Variants in FAM185A observed in about 807,000 individuals in gnomAD.
FAM185A encodes the protein family with sequence similarity 185 member A, also known as protein FAM185A.
FAM185A carries 21 observed loss-of-function variants against 45.7 expected under a neutral mutation model. That is an observed-to-expected ratio of 0.46 (90% confidence interval 0.33 to 0.66). The LOEUF (loss-of-function observed/expected upper bound fraction) is 0.66. Among genes scored for constraint, FAM185A ranks in the 30% least tolerant of loss-of-function variants. The pLI, the probability that FAM185A is intolerant of heterozygous loss-of-function variation, is 0.03. For synonymous variants in FAM185A, 117 were observed against 194.0 expected (o/e 0.60, Z 3.30); for missense variants, 305 against 485.4 (o/e 0.63, Z 3.49).
chr7:102,829,277 T>C, the FAM185A span, among the ~76,000 whole-genome samples: 3 of 152,230 alleles, frequency 2.0e-5, no homozygotes, highest in Admixed American at 6.5e-5. Flanking sequence ...GTAATCTGCT[T>C]CATGAAGCTT....
chr7:102,809,492 G>A (rs377205364), downstream of FAM185A, among the ~76,000 whole-genome samples: 22 of 152,104 alleles, frequency 1.4e-4, no homozygotes, highest in East Asian at 1.4e-3. Flanking sequence ...TCAGGAGTTT[G>A]AGACCAGCCT....
chr7:102,849,173 G>T, the FAM185A span, among the ~76,000 whole-genome samples: 4 of 152,134 alleles, frequency 2.6e-5, no homozygotes, highest in African/African-American at 9.7e-5. Context: ...TCAAGAAAAC[G>T]ATTTCTTAAG....
chr7:102,750,553 T>C (rs1793302376), intron 1 of FAM185A, among the ~76,000 whole-genome samples: 1 of 152,192 alleles, frequency 6.6e-6, no homozygotes, highest in Non-Finnish European at 1.5e-5. Context: ...CAGTATATTG[T>C]TATAATTGCT....
chr7:102,805,346 G>A (rs1227733813), intron 7 of FAM185A, among the ~76,000 whole-genome samples: 6 of 152,072 alleles, frequency 3.9e-5, no homozygotes, highest in East Asian at 1.9e-4. Context: ...AATACTGCTC[G>A]GCCATAAAAA....
intron 7 of FAM185A, among the ~76,000 whole-genome samples, chr7:102,807,196 G>A (rs1379530754): frequency 6.6e-6 from 1 of 152,026 alleles, no homozygotes; most frequent in East Asian, 1.9e-4. Flanking sequence ...GGGGGTCGGA[G>A]GGTGACAGGA....
At chr7:102,785,034 C>T (rs975272127) in intron 6 of FAM185A, among the ~76,000 whole-genome samples, 15 of 147,104 alleles carry the variant, frequency 1.0e-4, no homozygotes, top group South Asian at 6.4e-4. Flanking sequence ...TCTTATATAC[C>T]GATAACAGAC....
Position 102,808,295 on chromosome 7 carries a change from A to G in FAM185A, c.1072A>G (p.Met358Val). 1.3e-6 allele frequency: 2 copies of G among 1,550,946 alleles called. No individual in the cohort carries two copies. Among genetic ancestry groups the G allele is most frequent in the Non-Finnish European group, 1.7e-6 (2 of 1,146,170 alleles). ...KDDVVTVTGL[M>V]NQASKREKWI... Reference sequence around the variant, plus strand: ...TATGCAATTTTGTGTTTTAGGACTCATGAATCAAGCAAGCAAACGTGAAAA... The same window carrying G: ...TATGCAATTTTGTGTTTTAGGACTCGTGAATCAAGCAAGCAAACGTGAAAA... The change falls in exon 8 of 8, where the codon ATG (methionine) becomes GTG (valine). Residue 358 changes from methionine to valine, a missense_variant. Physicochemically the swap from Met to Val is conservative, Grantham distance 21. Around this residue, in one of 5 missense-constraint regions of FAM185A, gnomAD observed 66 missense variants for 74.6 expected, o/e 0.89. Coordinates refer to ENST00000413034, the MANE Select transcript of FAM185A (RefSeq NM_001145268.2).
At position 102,787,800 on chromosome 7, in the gene FAM185A, C is replaced by T. The variant is rs1277126096; in HGVS notation, c.1066+331C>T. Among the ~76,000 whole-genome samples the T allele has an allele frequency of 5.3e-5, 8 of 152,282 alleles. No homozygotes were observed. In the South Asian group the frequency reaches 8.3e-4, roughly 16 times the overall value. ...ATAATGCAAAATTTAAAACTAACTTCGTGTGACTGGAGTAAATCGGAATTT... is the reference window on the plus strand; with the variant it reads ...ATAATGCAAAATTTAAAACTAACTTTGTGTGACTGGAGTAAATCGGAATTT... On this transcript the variant is annotated intron_variant, in intron 7 of 7. Transcript: ENST00000413034.
intron 5 of FAM185A, among the ~76,000 whole-genome samples, chr7:102,775,034 C>A (rs1207433585): frequency 2.0e-5 from 3 of 150,646 alleles, no homozygotes; most frequent in Non-Finnish European, 4.4e-5. Flanking sequence ...CTTTTGCTGA[C>A]TTTATTGAGA....
intron 7 of FAM185A, among the ~76,000 whole-genome samples, chr7:102,795,283 G>A (rs1287833357): frequency 4.6e-5 from 7 of 151,984 alleles, no homozygotes; most frequent in Non-Finnish European, 1.0e-4. Context: ...CTGAGTGATG[G>A]GTATACAGAA....
intron 6 of FAM185A, among the ~76,000 whole-genome samples, chr7:102,785,588 C>T (rs1795737764): frequency 6.6e-6 from 1 of 151,234 alleles, no homozygotes; most frequent in African/African-American, 2.4e-5. Flanking sequence ...GAAAGGATTC[C>T]CTATTTAATA....
chr7:102,787,024 A>G (rs1795848076), intron 6 of FAM185A, among the ~76,000 whole-genome samples: 1 of 152,176 alleles, frequency 6.6e-6, no homozygotes, highest in Non-Finnish European at 1.5e-5. Flanking sequence ...AATCCTATCT[A>G]TAAGCTACAG....
chr7:102,789,242 CT>C lies in FAM185A; in HGVS notation c.1066+1774del, dbSNP rs545819857. On this transcript the variant is annotated intron_variant, in intron 7 of 7. Coordinates refer to ENST00000413034, the MANE Select transcript of FAM185A (RefSeq NM_001145268.2). ...AAGTGATCCTTCTGCCTCAGCCTCC[CT>C]AGTAGCTAGGTTATAGGTGTGTACT... Among the ~76,000 whole-genome samples, 65 of 152,236 alleles carry C rather than the reference CT, an allele frequency of 4.3e-4. No homozygotes were observed. In the East Asian group the frequency reaches 0.012, roughly 29 times the overall value.
chr7:102,782,280 G>A (rs1304994020), intron 6 of FAM185A, among the ~76,000 whole-genome samples: 1 of 151,806 alleles, frequency 6.6e-6, no homozygotes, highest in Admixed American at 6.5e-5. Flanking sequence ...CCAACATTCA[G>A]ATTGAGGAAA....
the FAM185A span, among the ~76,000 whole-genome samples, chr7:102,833,365 G>GT: frequency 6.6e-6 from 1 of 151,306 alleles, no homozygotes; most frequent in African/African-American, 2.4e-5. Context: ...ACAGACCCGA[G>GT]TTTTGCTTTC....
chr7:102,828,065 G>T, the FAM185A span, among the ~76,000 whole-genome samples: 1 of 152,124 alleles, frequency 6.6e-6, no homozygotes, highest in African/African-American at 2.4e-5. Context: ...TGGCAATGCG[G>T]GCTCTTTTTT....
chr7:102,794,396 T>C (rs528120396), intron 7 of FAM185A, among the ~76,000 whole-genome samples: 1 of 152,154 alleles, frequency 6.6e-6, no homozygotes, highest in Admixed American at 6.5e-5. Context: ...GGCAAAAAAA[T>C]ACACAAAAAG....
At chr7:102,774,033 T>A (rs947559912) in intron 5 of FAM185A, among the ~76,000 whole-genome samples, 4 of 152,088 alleles carry the variant, frequency 2.6e-5, no homozygotes, top group African/African-American at 9.7e-5. Flanking sequence ...ACAGTTTTGA[T>A]TATGTTTGGG....
chr7:102,759,263 AAT>A (rs1793965426), intron 3 of FAM185A, among the ~76,000 whole-genome samples: 1 of 152,216 alleles, frequency 6.6e-6, no homozygotes, highest in Admixed American at 6.5e-5. Flanking sequence ...CAAAGAATTT[AAT>A]ATCTTAATCA....
Sources: gnomAD v4.1 joint callset for allele counts (sites outside exome capture counted in the v4.1 genomes callset) on GRCh38, gnomAD v4.1.1 for gene constraint, gnomAD v4.1.1 regional missense constraint, MANE v1.5 for transcripts, NCBI Gene and HGNC (gene_info 2026-07-23, HGNC 2026-07-21) for gene names.